CCR5AS: variants seen among roughly 807,000 people sequenced by gnomAD.
CCR5AS encodes the protein CCR5 antisense RNA.
intron 1 of CCR5AS, among the ~76,000 whole-genome samples, chr3:46,394,846 G>A (rs1701946336): frequency 6.6e-6 from 1 of 152,188 alleles, no homozygotes; most frequent in South Asian, 2.1e-4. Flanking sequence ...CTGGAACCTG[G>A]GAAGGAGAGG....
rs41504148 is a variant in CCR5AS at position 46,367,742 on chromosome 3, G to A, written n.566-2697C>T. 2.1e-3 allele frequency among the ~76,000 whole-genome samples: 318 copies of A among 152,148 alleles called. 1 individual carries two copies. Among genetic ancestry groups the A allele is most frequent in the African/African-American group, 7.1e-3 (293 of 41,526 alleles). ...CGCACCACCACATCCAGCTAATTTTGTGTATTTTTAGTAGAGATGGGGTTT... is the reference window on the plus strand; with the variant it reads ...CGCACCACCACATCCAGCTAATTTTATGTATTTTTAGTAGAGATGGGGTTT... On this transcript the variant is annotated intron_variant and non_coding_transcript_variant, in intron 3 of 3. Coordinates refer to ENST00000451485, the Ensembl canonical transcript of CCR5AS.
At chr3:46,379,872 G>T (rs1438974267) in intron 2 of CCR5AS, among the ~76,000 whole-genome samples, 1 of 151,442 alleles carries the variant, frequency 6.6e-6, no homozygotes, top group Non-Finnish European at 1.5e-5. Context: ...ACTCCAGCCT[G>T]GGTGACAGAG....
At chr3:46,367,771 C>T (rs1299488730) in intron 3 of CCR5AS, among the ~76,000 whole-genome samples, 1 of 152,200 alleles carries the variant, frequency 6.6e-6, no homozygotes, top group Non-Finnish European at 1.5e-5. Flanking sequence ...GGGGTTTCAC[C>T]ATGCTGGCCA....
intron 2 of CCR5AS, among the ~76,000 whole-genome samples, chr3:46,386,718 AC>A (rs1701866151): frequency 6.6e-6 from 1 of 152,222 alleles, no homozygotes; most frequent in Non-Finnish European, 1.5e-5. Flanking sequence ...AAATTTGAAC[AC>A]TGACTAGATA....
intron 2 of CCR5AS, among the ~76,000 whole-genome samples, chr3:46,389,823 G>A (rs1701894731): frequency 6.6e-6 from 1 of 152,188 alleles, no homozygotes; most frequent in Non-Finnish European, 1.5e-5. Flanking sequence ...GGGAGTTGTT[G>A]TTTGGTGGTG....
intron 2 of CCR5AS, chr3:46,372,782 T>C: frequency 1.4e-6 from 1 of 737,338 alleles, no homozygotes; most frequent in African/African-American, 1.7e-5. Context: ...AATGTAGACA[T>C]CTATGTAGGC....
In CCR5AS at chr3:46,405,524, G is replaced by C. The variant is rs145825628; in HGVS notation, n.163+1373C>G. ...AAGCTGCCCGCACCTACTCATTCAA[G>C]ATCCTGAGTGTCCTGCCCAGCTGCA... On this transcript the variant is annotated intron_variant and non_coding_transcript_variant, in intron 1 of 3. Transcript: ENST00000451485. Among the ~76,000 whole-genome samples the C allele has an allele frequency of 2.4e-3, 361 of 152,224 alleles. 3 individuals are homozygous for C. Among genetic ancestry groups the C allele is most frequent in the African/African-American group, 7.8e-3 (323 of 41,546 alleles).
At position 46,373,120 on chromosome 3, in the gene CCR5AS, C is replaced by T. The variant is rs56198941; in HGVS notation, n.392-1703G>A. The stretch of plus-strand genomic sequence containing the variant: ...ACTGACATCTACCTGCTCAACCTGG[C>T]CATCTCTGACCTGTTTTTCCTTCTT... On this transcript the variant is annotated intron_variant and non_coding_transcript_variant, in intron 2 of 3. Transcript: ENST00000451485. The T allele has an allele frequency of 1.5e-3, 2,388 of 1,614,138 alleles. 4 individuals carry two copies. The highest frequency in any genetic ancestry group is 1.9e-3 in the Non-Finnish European group (2,262 of 1,179,980).
chr3:46,372,186 C>T (rs1052508163), intron 2 of CCR5AS, among the ~76,000 whole-genome samples: 1 of 152,118 alleles, frequency 6.6e-6, no homozygotes, highest in Non-Finnish European at 1.5e-5. Flanking sequence ...TACTGGCTTG[C>T]TCATAGTGCA....
chr3:46,374,134 T>G lies in CCR5AS; in HGVS notation n.392-2717A>C, dbSNP rs1179099070. The G allele has an allele frequency of 6.9e-6, 3 of 434,968 alleles. No homozygotes were observed. The East Asian group carries it at 1.0e-4, about 15-fold the overall frequency. 26.9% of individuals were successfully genotyped at this position (434,968 alleles called of 1,614,324 possible). ...GCATCTGTTTAAAGTAGATTAGATC[T>G]TTTAAGCCCATCAATTATAGAAAGC... On this transcript the variant is annotated intron_variant and non_coding_transcript_variant, in intron 2 of 3. Coordinates refer to ENST00000451485, the Ensembl canonical transcript of CCR5AS.
chr3:46,405,942 C>A (rs1033410804), intron 1 of CCR5AS, among the ~76,000 whole-genome samples: 1 of 151,478 alleles, frequency 6.6e-6, no homozygotes, highest in Non-Finnish European at 1.5e-5. Flanking sequence ...GTGGCATGAT[C>A]ATGGCTCACC....
At chr3:46,373,996 T>G (rs777009009) in intron 2 of CCR5AS, 3 of 1,484,180 alleles carry the variant, frequency 2.0e-6, no homozygotes, top group Non-Finnish European at 2.7e-6. Flanking sequence ...CCAGTCAGAG[T>G]TGTGCACATG....
intron 2 of CCR5AS, among the ~76,000 whole-genome samples, chr3:46,383,078 A>T (rs17141079): frequency 0.32 from 48,522 of 152,106 alleles, 9,655 homozygotes; most frequent in African/African-American, 0.56. Context: ...CAAACAGTGC[A>T]CTTAGACATA....
At chr3:46,368,317 C>T (rs1395067916) in intron 3 of CCR5AS, among the ~76,000 whole-genome samples, 3 of 152,206 alleles carry the variant, frequency 2.0e-5, no homozygotes, top group African/African-American at 7.2e-5. Context: ...AAGAGCCATG[C>T]AAACTGAGAG....
intron 2 of CCR5AS, among the ~76,000 whole-genome samples, chr3:46,384,744 AT>A (rs1007917028): frequency 2.0e-5 from 3 of 152,326 alleles, no homozygotes; most frequent in African/African-American, 7.2e-5. Flanking sequence ...AGGAACTCTT[AT>A]GCAAATGTGC....
intron 2 of CCR5AS, chr3:46,373,258 T>C (rs1309674267): frequency 6.2e-7 from 1 of 1,614,192 alleles, no homozygotes; most frequent in Admixed American, 1.7e-5. Flanking sequence ...ATCTTCTTCA[T>C]CATCCTCCTG....
chr3:46,377,543 T>C (rs891690906), intron 2 of CCR5AS, among the ~76,000 whole-genome samples: 4 of 152,234 alleles, frequency 2.6e-5, no homozygotes, highest in Admixed American at 6.5e-5. Flanking sequence ...TCAACTGTTA[T>C]GATTAAATTT....
intron 2 of CCR5AS, chr3:46,372,869 GAT>G (rs755948362): frequency 1.3e-6 from 2 of 1,487,342 alleles, no homozygotes; most frequent in Non-Finnish European, 1.8e-6. Flanking sequence ...CTTTATAAAA[GAT>G]CACTTTTTAT....
chr3:46,390,303 G>A (rs1320536378), intron 2 of CCR5AS, among the ~76,000 whole-genome samples: 1 of 152,100 alleles, frequency 6.6e-6, no homozygotes, highest in East Asian at 1.9e-4. Context: ...GAAGATAGGA[G>A]GGTGTACGGG....
Sources: gnomAD v4.1 joint callset for allele counts (sites outside exome capture counted in the v4.1 genomes callset) on GRCh38, gnomAD v4.1.1 for gene constraint, MANE v1.5 for transcripts, NCBI Gene and HGNC (gene_info 2026-07-23, HGNC 2026-07-21) for gene names.